HMCN2: variants seen among roughly 807,000 people sequenced by gnomAD.
The protein encoded by HMCN2 is hemicentin 2, also known as hemicentin-2.
HMCN2 carries 325 observed loss-of-function variants against 377.5 expected under a neutral mutation model. The observed-to-expected ratio is 0.86, with a 90% CI of 0.79 to 0.94. HMCN2 has a LOEUF of 0.94. Ranked by LOEUF, HMCN2 falls within the 40% of genes least tolerant of loss-of-function variation. The pLI, the probability that HMCN2 is intolerant of heterozygous loss-of-function variation, is 0.00. For synonymous variants in HMCN2, 2,007 were observed against 2,046.8 expected (o/e 0.98, Z 0.53); for missense variants, 4,543 against 4,725.3 (o/e 0.96, Z 1.13).
intron 97 of HMCN2, chr9:130,432,951 CG>C (rs537997162): frequency 5.8e-6 from 2 of 342,728 alleles, no homozygotes; most frequent in Non-Finnish European, 1.1e-5. Context: ...CAACTAGAAA[CG>C]TAGGCTGGGG....
chr9:130,384,573 CATG>C, intron 58 of HMCN2, 39 bp downstream of exon 58: 1 of 1,303,946 alleles, frequency 7.7e-7, no homozygotes, highest in Non-Finnish European at 1.0e-6. Flanking sequence ...TCTAAGGTTA[CATG>C]GGGAGAGAGT....
chr9:130,306,207 C>G lies in HMCN2; in HGVS notation c.1895C>G (p.Ser632Cys), dbSNP rs1554936659. The G allele has an allele frequency of 2.1e-6, 1 of 471,102 alleles. No homozygotes were observed. The highest frequency in any genetic ancestry group is 2.3e-5 in the Admixed American group (1 of 42,568). The allele number at this position is 471,102 out of a possible 1,614,324, so 29.2% of individuals were successfully genotyped here. A position where few individuals can be genotyped will look rare whatever the true frequency, so the allele number is the denominator to read the frequency against. Residue 632 changes from serine (S) to cysteine (C), a missense_variant, in exon 12 of 98, where the codon TCT becomes TGT. Ser to Cys is a moderately radical substitution (Grantham distance 112, BLOSUM62 -1). Coordinates refer to ENST00000683500, the MANE Select transcript of HMCN2 (RefSeq NM_001291815.2). ...GVEVKVSCSA[S>C]GYPTPHISWS... Reference sequence around the variant, plus strand: ...GAGGTGAAGGTCAGCTGCTCAGCCTCTGGATACCCCACACCCCACATCTCC... The same window carrying G: ...GAGGTGAAGGTCAGCTGCTCAGCCTGTGGATACCCCACACCCCACATCTCC...
At chr9:130,334,803 TCTCTCTCTCTCTC>T (rs1282586613) in intron 22 of HMCN2, among the ~76,000 whole-genome samples, 1 of 147,504 alleles carries the variant, frequency 6.8e-6, no homozygotes, top group Non-Finnish European at 1.5e-5. Context: ...CTCTCTCTTC[TCTCTCTCTCTCTC>T]CTCTCTCTCT....
chr9:130,399,751 C>G (rs572101983), intron 76 of HMCN2, 119 bp downstream of exon 76: 1 of 661,172 alleles, frequency 1.5e-6, no homozygotes, highest in African/African-American at 1.9e-5. Context: ...CACTGGACAC[C>G]TCCTCCAGGA....
In HMCN2 at chr9:130,302,846, C is replaced by T; in HGVS notation, c.1277-11C>T. The stretch of plus-strand genomic sequence containing the variant: ...TGGGGAGACATTCTGAGTCCTGGTC[C>T]CCGCCTACAGGCGCTCCCCTCGTCA... On this transcript the variant is annotated splice_polypyrimidine_tract_variant and intron_variant, in intron 8 of 97. Coordinates refer to ENST00000683500, the MANE Select transcript of HMCN2 (RefSeq NM_001291815.2). 1 of 458,350 alleles carries T rather than the reference C, an allele frequency of 2.2e-6. No individual in the cohort carries two copies. The highest frequency in any genetic ancestry group is 4.5e-6 in the Non-Finnish European group (1 of 219,966). The allele number at this position is 458,350 out of a possible 1,614,324, so 28.4% of individuals were successfully genotyped here.
chr9:130,429,500 T>TG (rs35557069), intron 93 of HMCN2, 57 bp from the exon 94 acceptor site: 2 of 1,546,216 alleles, frequency 1.3e-6, no homozygotes, highest in South Asian at 2.4e-5. Flanking sequence ...GTCCGTCCCT[T>TG]GGGGGAGGGG....
At chr9:130,430,007 A>C in intron 94 of HMCN2, 1 of 593,342 alleles carries the variant, frequency 1.7e-6, no homozygotes, top group Non-Finnish European at 2.9e-6. Flanking sequence ...TAGGAGAGGG[A>C]ATGGATCTAA....
In HMCN2 at chr9:130,388,502, C is replaced by A. The variant is rs201197536; in HGVS notation, c.9485C>A (p.Ala3162Glu). 1 of 988,100 alleles carries A rather than the reference C, an allele frequency of 1.0e-6. No individual in the cohort carries two copies. 61.2% of individuals were successfully genotyped at this position (988,100 alleles called of 1,614,324 possible). A position where few individuals can be genotyped will look rare whatever the true frequency, so the allele number is the denominator to read the frequency against. Reference sequence around the variant, plus strand: ...ACCTGTGATGTGTCCGGGGTCCCTGCACCCACGGTCACTTGGCTGAAGGAC... The same window carrying A: ...ACCTGTGATGTGTCCGGGGTCCCTGAACCCACGGTCACTTGGCTGAAGGAC... ...VLTCDVSGVP[A>E]PTVTWLKDRM... Residue 3162 changes from alanine to glutamate, a missense_variant, in exon 62 of 98, where the codon GCA becomes GAA. Ala to Glu is a moderately radical substitution (Grantham distance 107). Around this residue, in one of 5 missense-constraint regions of HMCN2, gnomAD observed 736 missense variants for 773.2 expected, o/e 0.95. Transcript: ENST00000683500.
At chr9:130,410,710 GC>G (rs1216653633) in intron 85 of HMCN2, 58 bp downstream of exon 85, 1 of 1,453,470 alleles carries the variant, frequency 6.9e-7, no homozygotes, top group Admixed American at 2.0e-5. Context: ...GACAGCGGTG[GC>G]GTGTGCAGCC....
chr9:130,265,938 G>GGCAGTT lies in HMCN2; in HGVS notation c.65_66insTGCAGT (p.Val22_Ala23dup). On this transcript the variant is annotated inframe_insertion, in exon 1 of 98. Coordinates refer to ENST00000683500, the MANE Select transcript of HMCN2 (RefSeq NM_001291815.2). ...CCGCGGTCTCTGCGGCAGTGGCAGT[G>GGCAGTT]GCAGTGGCCGGGGCGCCCGGGACGG... 1 of 440,952 alleles carries GGCAGTT rather than the reference G, an allele frequency of 2.3e-6. No homozygotes were observed. The highest frequency in any genetic ancestry group is 4.7e-6 in the Non-Finnish European group (1 of 214,282). 27.3% of individuals were successfully genotyped at this position (440,952 alleles called of 1,614,324 possible).
chr9:130,413,664 C>G (rs1428040709), intron 85 of HMCN2, among the ~76,000 whole-genome samples: 1 of 152,078 alleles, frequency 6.6e-6, no homozygotes, highest in Non-Finnish European at 1.5e-5. Context: ...CTTTTTGTCC[C>G]TTATATCCTG....
rs1311069561 is a variant in HMCN2 at position 130,361,368 on chromosome 9, G to A, written c.5951-640G>A. Among the ~76,000 whole-genome samples, 1 of 152,226 alleles carries A rather than the reference G, an allele frequency of 6.6e-6. No individual in the cohort carries two copies. The highest frequency in any genetic ancestry group is 2.4e-5 in the African/African-American group (1 of 41,456). On this transcript the variant is annotated intron_variant, in intron 38 of 97. Coordinates refer to ENST00000683500, the MANE Select transcript of HMCN2 (RefSeq NM_001291815.2). This position sits in a 1 kb window ranked among gnomAD's most constrained non-coding sequence, Gnocchi z 4.8. ...CACTGAGGTCTCTGCCAAGGCCTGA[G>A]GTTATGAAGATCTGGGGAATTTGAG...
chr9:130,368,382 T>A lies in HMCN2; in HGVS notation c.6732T>A (p.Cys2244Ter), dbSNP rs1210011586. Residue 2244 changes from cysteine (C) to a stop codon, truncating the protein, a stop_gained, in exon 44 of 98, where the codon TGT becomes TGA. Coordinates refer to ENST00000683500, the MANE Select transcript of HMCN2 (RefSeq NM_001291815.2). LOFTEE classifies it high-confidence loss of function. ...TGGCTCAGGAAGGAACATACACCTG[T>A]GAATGCAGCAACGTGGTGGGGAACA... ...AQLAQEGTYT[C>*]ECSNVVGNSS... is the part of the protein sequence containing the mutation. 1.0e-6 allele frequency: 1 copy of A among 985,710 alleles called. No homozygotes were observed. The highest frequency in any genetic ancestry group is 1.2e-6 in the Non-Finnish European group (1 of 830,106). 61.1% of individuals were successfully genotyped at this position (985,710 alleles called of 1,614,324 possible).
In HMCN2 at chr9:130,360,133, C is replaced by T. The variant is rs555859142; in HGVS notation, c.5774-295C>T. On this transcript the variant is annotated intron_variant, in intron 37 of 97. Transcript: ENST00000683500. The surrounding 1 kb of genome is among the most constrained non-coding windows in gnomAD (Gnocchi z 4.7). ...ACGGGGCTTCTTCTCCACCCTTGGT[C>T]CTGTCTTGGGCAACATTGCCCGGTT... Among the ~76,000 whole-genome samples the T allele has an allele frequency of 2.1e-4, 32 of 152,274 alleles. No individual in the cohort carries two copies. The highest frequency in any genetic ancestry group is 6.3e-4 in the African/African-American group (26 of 41,546).
chr9:130,368,070 TA>T (rs1564822646), intron 43 of HMCN2, among the ~76,000 whole-genome samples: 2 of 150,624 alleles, frequency 1.3e-5, no homozygotes, highest in African/African-American at 4.9e-5. Flanking sequence ...CAGAGAAGCC[TA>T]GGGGGATGGG....
chr9:130,377,098 CTTTAT>C (rs945357356), intron 52 of HMCN2, among the ~76,000 whole-genome samples: 2 of 151,420 alleles, frequency 1.3e-5, no homozygotes, highest in Admixed American at 1.3e-4. Flanking sequence ...CGCACCCAGC[CTTTAT>C]TTTATTTTAT....
rs1178719565 is a variant in HMCN2, at chr9:130,430,490, C to CCTCCTACCT, written c.14534_14535insTCCTACCTC (p.Pro4845_Gly4846insProThrSer). On this transcript the variant is annotated inframe_insertion, in exon 95 of 98. Transcript: ENST00000683500. ...CTGGCTGCGGCCCTGGGCCTCGATCCCCGGTACCTCCTACCACGCCTGGGT... is the reference window on the plus strand; with the variant it reads ...CTGGCTGCGGCCCTGGGCCTCGATCCCTCCTACCTCCGGTACCTCCTACCACGCCTGGGT... 91 of 1,550,462 alleles carry CCTCCTACCT rather than the reference C, an allele frequency of 5.9e-5. No individual in the cohort carries two copies. The highest frequency in any genetic ancestry group is 7.4e-5 in the Non-Finnish European group (85 of 1,146,966).
rs1265719627 is a variant in HMCN2 at position 130,423,696 on chromosome 9, C to G, written c.13381+970C>G. Among the ~76,000 whole-genome samples the G allele has an allele frequency of 6.6e-6, 1 of 152,224 alleles. No homozygotes were observed. The highest frequency in any genetic ancestry group is 1.5e-5 in the Non-Finnish European group (1 of 68,034). On this transcript the variant is annotated intron_variant, in intron 87 of 97. Transcript: ENST00000683500. The surrounding 1 kb of genome is among the most constrained non-coding windows in gnomAD (Gnocchi z 5.5). ...GTGGGGAGCGGGTGTGTTCCCCTTG[C>G]CCAGTCCATGGCCCCACCTGGTCCT...
chr9:130,350,388 C>CAAA (rs1187309511), intron 29 of HMCN2, among the ~76,000 whole-genome samples: 35 of 89,702 alleles, frequency 3.9e-4, no homozygotes, highest in African/African-American at 1.2e-3. Context: ...CAAAAAAATA[C>CAAA]AAAAAAAAAA....
Sources: gnomAD v4.1 joint callset for allele counts (sites outside exome capture counted in the v4.1 genomes callset) on GRCh38, gnomAD v4.1.1 for gene constraint, gnomAD v4.1.1 regional missense constraint, Gnocchi (gnomAD v3.1) non-coding constraint, MANE v1.5 for transcripts, NCBI Gene and HGNC (gene_info 2026-07-23, HGNC 2026-07-21) for gene names.